BCAT1: variants seen among roughly 807,000 people sequenced by gnomAD.
BCAT1 encodes the protein branched-chain-amino-acid aminotransferase, cytosolic.
In BCAT1, 48 loss-of-function variants were observed where a neutral mutation model predicts 52.4. The ratio of observed to expected loss-of-function variants is 0.92; its 90% confidence interval spans 0.73 to 1.16. BCAT1 has a LOEUF of 1.16. Ranked by LOEUF, BCAT1 falls within the 50% of genes most tolerant of loss-of-function variation. The pLI, the probability that BCAT1 is intolerant of heterozygous loss-of-function variation, is 0.00. For missense variants in BCAT1, 451 were observed against 457.1 expected (o/e 0.99, Z 0.12); for synonymous variants, 167 against 161.3 (o/e 1.04, Z -0.27).
chr12:24,819,263 T>C (rs79993166), intron 10 of BCAT1, among the ~76,000 whole-genome samples: 3 of 152,234 alleles, frequency 2.0e-5, no homozygotes, highest in South Asian at 2.1e-4. Context: ...TCTGTCACTA[T>C]GGGTTTGCCT....
rs1489205002 is a variant in BCAT1 at position 24,816,806 on chromosome 12, C to T, written c.*1202G>A. 2.7e-6 allele frequency: 1 copy of T among 373,800 alleles called. No homozygotes were observed. The highest frequency in any genetic ancestry group is 4.6e-5 in the Admixed American group (1 of 21,702). 23.2% of individuals were successfully genotyped at this position (373,800 alleles called of 1,614,324 possible). A position where few individuals can be genotyped will look rare whatever the true frequency, so the allele number is the denominator to read the frequency against. On this transcript the variant is annotated 3_prime_UTR_variant, in exon 11 of 11. Transcript: ENST00000261192. ...AACTGTTACACCTCAGGTCATCAAG[C>T]ATTAGATTCTCATAAGGAGCGCATA...
intron 10 of BCAT1, among the ~76,000 whole-genome samples, chr12:24,819,649 T>C (rs1334456027): frequency 6.6e-6 from 1 of 152,182 alleles, no homozygotes; most frequent in African/African-American, 2.4e-5. Flanking sequence ...TCTGATGTTC[T>C]TTCTCCTATA....
rs3736212 is a variant in BCAT1 at position 24,832,719 on chromosome 12, G to T, written c.1044+4C>A. On this transcript the variant is annotated splice_donor_region_variant and intron_variant, in intron 9 of 10. Coordinates refer to ENST00000261192, the MANE Select transcript of BCAT1 (RefSeq NM_005504.7). ...GATAGGAAATGAGGAAATACTTGTC[G>T]TACCTCGCCTTTGTACAGTATATCA... 1.3e-6 allele frequency: 2 copies of T among 1,598,710 alleles called. No homozygotes were observed. Among genetic ancestry groups the T allele is most frequent in the Admixed American group, 1.8e-5 (1 of 57,124 alleles).
At chr12:24,876,277 AAG>A (rs1032697770) in intron 5 of BCAT1, among the ~76,000 whole-genome samples, 2,434 of 149,504 alleles carry the variant, frequency 0.016, 21 homozygotes, top group East Asian at 0.045. Context: ...AAAAAAAAAA[AAG>A]AAAGAAAAGA....
chr12:24,899,899 G>A (rs1394961702), intron 2 of BCAT1, among the ~76,000 whole-genome samples: 1 of 152,114 alleles, frequency 6.6e-6, no homozygotes, highest in East Asian at 1.9e-4. Flanking sequence ...TCAGAAGATG[G>A]CAGGGGGTGG....
At chr12:24,857,145 A>C (rs1467852041) in intron 5 of BCAT1, among the ~76,000 whole-genome samples, 1 of 152,142 alleles carries the variant, frequency 6.6e-6, no homozygotes, top group Non-Finnish European at 1.5e-5. Context: ...TAGCTTCGGG[A>C]ATGAGTCCTT....
intron 5 of BCAT1, among the ~76,000 whole-genome samples, chr12:24,869,018 C>T (rs925633163): frequency 4.6e-5 from 7 of 152,228 alleles, no homozygotes; most frequent in African/African-American, 1.7e-4. Flanking sequence ...AAAGGCACTT[C>T]ACAAGAGGAC....
intron 1 of BCAT1, among the ~76,000 whole-genome samples, chr12:24,912,876 A>G (rs1943353030): frequency 6.6e-6 from 1 of 152,220 alleles, no homozygotes. Flanking sequence ...AGGTTGCTCA[A>G]AATCATTGAC....
intron 1 of BCAT1, among the ~76,000 whole-genome samples, chr12:24,943,174 CA>C (rs1271928405): frequency 2.0e-5 from 3 of 152,106 alleles, no homozygotes; most frequent in Non-Finnish European, 2.9e-5. Flanking sequence ...GCACATTTTG[CA>C]AAAGATTGGC....
At chr12:24,877,471 A>C (rs1942379405) in intron 5 of BCAT1, among the ~76,000 whole-genome samples, 1 of 152,194 alleles carries the variant, frequency 6.6e-6, no homozygotes. Context: ...CCATGCCTTT[A>C]TTCACAAGGG....
At chr12:24,900,447 C>T (rs1265038955) in intron 2 of BCAT1, among the ~76,000 whole-genome samples, 8 of 152,104 alleles carry the variant, frequency 5.3e-5, no homozygotes, top group African/African-American at 1.9e-4. Context: ...TTAGTTGGGC[C>T]TGATGGCATG....
chr12:24,825,613 T>C (rs1940362739), intron 10 of BCAT1, among the ~76,000 whole-genome samples: 1 of 152,170 alleles, frequency 6.6e-6, no homozygotes, highest in South Asian at 2.1e-4. Flanking sequence ...TTGAGAAATG[T>C]CCATTCAGAT....
rs1939801686 is a variant in BCAT1, at chr12:24,814,558, C to A, written c.*3450G>T. On this transcript the variant is annotated 3_prime_UTR_variant, in exon 11 of 11. Transcript: ENST00000261192. The stretch of plus-strand genomic sequence containing the variant: ...CTGTAGCTTTAATAAAAAGCTCCAA[C>A]AATTCTTTTGACTAAGATATACTCA... 1 of 151,870 alleles carries A rather than the reference C, an allele frequency of 6.6e-6. No homozygotes were observed. The highest frequency in any genetic ancestry group is 1.5e-5 in the Non-Finnish European group (1 of 67,788). The allele number at this position is 151,870 out of a possible 1,614,324, so 9.4% of individuals were successfully genotyped here.
chr12:24,834,195 G>A (rs12228257), intron 8 of BCAT1: 245,063 of 975,766 alleles, frequency 0.25, 31,071 homozygotes, highest in Non-Finnish European at 0.25. Flanking sequence ...ATTTTTAAAC[G>A]TTGAATGTAT....
intron 1 of BCAT1, among the ~76,000 whole-genome samples, chr12:24,928,622 G>C (rs1006350428): frequency 8.0e-6 from 1 of 125,136 alleles, no homozygotes; most frequent in African/African-American, 2.8e-5. Context: ...AATACAGAGC[G>C]AGACAGTCTC....
chr12:24,908,931 A>G lies in BCAT1; in HGVS notation c.7-7046T>C, dbSNP rs556633987. Among the ~76,000 whole-genome samples the G allele has an allele frequency of 2.0e-5, 3 of 152,314 alleles. No individual in the cohort carries two copies. In the East Asian group the frequency reaches 5.8e-4, roughly 29 times the overall value. On this transcript the variant is annotated intron_variant, in intron 1 of 10. Transcript: ENST00000261192. ...TGAGTCTCATATTTAAACTCAGAGT[A>G]AGTAATGGGCAGTGACGACACTCAA...
intron 10 of BCAT1, among the ~76,000 whole-genome samples, chr12:24,819,947 G>C (rs948442505): frequency 6.6e-6 from 1 of 152,072 alleles, no homozygotes; most frequent in African/African-American, 2.4e-5. Context: ...CATGACTTAA[G>C]GTAAGGGCAA....
At chr12:24,893,414 G>C (rs911196176) in intron 3 of BCAT1, among the ~76,000 whole-genome samples, 4 of 152,176 alleles carry the variant, frequency 2.6e-5, no homozygotes, top group Non-Finnish European at 4.4e-5. Flanking sequence ...AAGTCATAAA[G>C]GTTCCTATGG....
chr12:24,934,621 T>G (rs10842430), intron 1 of BCAT1, among the ~76,000 whole-genome samples: 58,929 of 152,076 alleles, frequency 0.39, 12,057 homozygotes, highest in Middle Eastern at 0.64. Context: ...TGGTGCGATC[T>G]TGGCTCACTG....
Sources: allele counts gnomAD v4.1 joint callset (sites outside exome capture counted in the v4.1 genomes callset), GRCh38; gene constraint gnomAD v4.1.1; transcripts MANE v1.5; gene names NCBI Gene and HGNC (gene_info 2026-07-23, HGNC 2026-07-21).